LAMB4: variants seen among roughly 807,000 people sequenced by gnomAD.
LAMB4 encodes laminin subunit beta 4, also known as laminin subunit beta-4.
LAMB4 carries 196 observed loss-of-function variants against 199.2 expected under a neutral mutation model. That is an observed-to-expected ratio of 0.98 (90% CI 0.88 to 1.11). The LOEUF is 1.11. Among genes scored for constraint, LAMB4 ranks in the 50% least tolerant of loss-of-function variants. LAMB4 has a pLI of 0.00. For synonymous variants in LAMB4, 744 were observed against 770.6 expected (o/e 0.97, Z 0.57); for missense variants, 2,080 against 2,171.2 (o/e 0.96, Z 0.83).
intron 29 of LAMB4, among the ~76,000 whole-genome samples, chr7:108,040,403 A>C (rs2035380908): frequency 6.6e-6 from 1 of 152,238 alleles, no homozygotes; most frequent in Non-Finnish European, 1.5e-5. Flanking sequence ...AGAACTAGAA[A>C]ATATATTTTA....
At chr7:108,114,795 G>C (rs1486012807) in intron 3 of LAMB4, among the ~76,000 whole-genome samples, 2 of 152,140 alleles carry the variant, frequency 1.3e-5, no homozygotes, top group Admixed American at 1.3e-4. Flanking sequence ...ATTACCTCAG[G>C]GTTTTTGGTA....
chr7:108,095,399 T>C (rs537488623), intron 11 of LAMB4, 62 bp from the exon 12 acceptor site: 69 of 1,218,174 alleles, frequency 5.7e-5, no homozygotes, highest in Admixed American at 2.0e-4. Flanking sequence ...CAAGTGTACT[T>C]AATAGCTCAC....
At chr7:108,121,373 A>T (rs950355514) in intron 2 of LAMB4, among the ~76,000 whole-genome samples, 1 of 152,216 alleles carries the variant, frequency 6.6e-6, no homozygotes, top group South Asian at 2.1e-4. Context: ...ATGCTTTCTC[A>T]CACTTTAGAG....
At chr7:108,092,722 C>G (rs533919944) in intron 12 of LAMB4, among the ~76,000 whole-genome samples, 2 of 151,986 alleles carry the variant, frequency 1.3e-5, no homozygotes, top group Non-Finnish European at 2.9e-5. Flanking sequence ...CCTGGCCAAC[C>G]ATGGTGAAAC....
chr7:108,118,549 G>A (rs1044302903), intron 2 of LAMB4, among the ~76,000 whole-genome samples: 1 of 152,010 alleles, frequency 6.6e-6, no homozygotes, highest in African/African-American at 2.4e-5. Context: ...TCAATAAATG[G>A]TGCTGGAGCA....
At chr7:108,115,714 ATT>A (rs151223023) in intron 3 of LAMB4, among the ~76,000 whole-genome samples, 1 of 152,362 alleles carries the variant, frequency 6.6e-6, no homozygotes, top group African/African-American at 2.4e-5. Flanking sequence ...TATGTTAGGT[ATT>A]ACAAGTAATC....
intron 10 of LAMB4, among the ~76,000 whole-genome samples, chr7:108,100,920 A>T (rs1398614754): frequency 6.6e-6 from 1 of 152,224 alleles, no homozygotes; most frequent in Non-Finnish European, 1.5e-5. Flanking sequence ...GGTAAATTTT[A>T]TATAGTCAGG....
chr7:108,069,964 T>C, intron 17 of LAMB4, 79 bp from the exon 18 acceptor site: 1 of 1,169,488 alleles, frequency 8.6e-7, no homozygotes, highest in Non-Finnish European at 1.2e-6. Context: ...AAAAATTAGA[T>C]CTATGAAAAT....
chr7:108,039,671 G>A (rs981055138), intron 29 of LAMB4, among the ~76,000 whole-genome samples: 2 of 152,050 alleles, frequency 1.3e-5, no homozygotes, highest in Admixed American at 6.6e-5. Context: ...GTTTTGCCAC[G>A]TTGGCCAGGC....
intron 11 of LAMB4, among the ~76,000 whole-genome samples, chr7:108,097,523 C>G (rs2037653615): frequency 6.6e-6 from 1 of 152,024 alleles, no homozygotes; most frequent in South Asian, 2.1e-4. Flanking sequence ...TGGCGGCTCA[C>G]GCCTGTAATC....
chr7:108,081,093 G>A (rs1038638061), intron 14 of LAMB4, among the ~76,000 whole-genome samples: 1 of 152,204 alleles, frequency 6.6e-6, no homozygotes, highest in African/African-American at 2.4e-5. Context: ...CTGCACTCCA[G>A]CCTGGGCGAC....
rs1303998453 is a variant in LAMB4 at position 108,034,258 on chromosome 7, T to C, written c.4768A>G (p.Ile1590Val). ...QITQGRANST[I>V]TQLTANITKI... ...GTTATATTGGCAGTCAGCTGTGTAATGGTAGAGTTTGCCCGTCCTTGAGTG... is the reference window on the plus strand; with the variant it reads ...GTTATATTGGCAGTCAGCTGTGTAACGGTAGAGTTTGCCCGTCCTTGAGTG... The change falls in exon 31 of 34, where the codon ATT becomes GTT. Residue 1590 changes from isoleucine to valine, a missense_variant. Ile to Val is a conservative substitution (Grantham distance 29). Coordinates refer to ENST00000388781, the MANE Select transcript of LAMB4 (RefSeq NM_007356.3). 1 of 1,614,082 alleles carries C rather than the reference T, an allele frequency of 6.2e-7. No homozygotes were observed. The highest frequency in any genetic ancestry group is 8.5e-7 in the Non-Finnish European group (1 of 1,179,956).
At chr7:108,081,012 C>T (rs933956359) in intron 14 of LAMB4, among the ~76,000 whole-genome samples, 11 of 152,126 alleles carry the variant, frequency 7.2e-5, no homozygotes, top group African/African-American at 2.7e-4. Context: ...CTCCCAGCTA[C>T]TTGGAAGGCT....
At chr7:108,089,237 C>T (rs2037304578) in intron 14 of LAMB4, among the ~76,000 whole-genome samples, 1 of 152,120 alleles carries the variant, frequency 6.6e-6, no homozygotes, top group African/African-American at 2.4e-5. Context: ...GGTGCAGTAT[C>T]TACTGAGGTC....
At chr7:108,087,191 A>T (rs1449732689) in intron 14 of LAMB4, among the ~76,000 whole-genome samples, 1 of 152,172 alleles carries the variant, frequency 6.6e-6, no homozygotes, top group Non-Finnish European at 1.5e-5. Flanking sequence ...ATCATGTTAC[A>T]TGCAGCTGTT....
chr7:108,091,554 A>T (rs1414054030), intron 14 of LAMB4, 72 bp downstream of exon 14: 3 of 1,494,116 alleles, frequency 2.0e-6, no homozygotes, highest in Non-Finnish European at 2.7e-6. Flanking sequence ...CCACGATCTC[A>T]AGTATGTGCT....
chr7:108,127,149 C>T (rs1233409782), intron 1 of LAMB4, among the ~76,000 whole-genome samples: 1 of 150,488 alleles, frequency 6.6e-6, no homozygotes, highest in East Asian at 2.0e-4. Flanking sequence ...GCTTTCCAAA[C>T]TTTACTGCAC....
At chr7:108,021,293 A>G (rs73726679), downstream of LAMB4, among the ~76,000 whole-genome samples, 5,924 of 152,274 alleles carry the variant, frequency 0.039, 389 homozygotes, top group African/African-American at 0.13. Flanking sequence ...AAGGTTTCAG[A>G]GCTGGATGCA....
intron 28 of LAMB4, among the ~76,000 whole-genome samples, chr7:108,045,289 T>C (rs1018230660): frequency 6.6e-6 from 1 of 152,174 alleles, no homozygotes; most frequent in Non-Finnish European, 1.5e-5. Context: ...GCTAGATTAG[T>C]TGATACCATA....
Sources: gnomAD v4.1 joint callset for allele counts (sites outside exome capture counted in the v4.1 genomes callset) on GRCh38, gnomAD v4.1.1 for gene constraint, MANE v1.5 for transcripts, NCBI Gene and HGNC (gene_info 2026-07-23, HGNC 2026-07-21) for gene names.